Variants in NELL1 observed in about 807,000 individuals in gnomAD.
The protein encoded by NELL1 is protein kinase C-binding protein NELL1.
Under a neutral mutation model 107.4 loss-of-function variants are expected in NELL1, and 76 were observed. The observed-to-expected ratio is 0.71, with a 90% CI of 0.59 to 0.86. The LOEUF (loss-of-function observed/expected upper bound fraction) is 0.86. Among genes scored for constraint, NELL1 ranks in the 40% least tolerant of loss-of-function variants. NELL1 has a pLI of 0.00. For synonymous variants in NELL1, 353 were observed against 341.2 expected (o/e 1.03, Z -0.38); for missense variants, 1,024 against 1,005.5 (o/e 1.02, Z -0.25).
At chr11:21,466,988 T>C (rs1300047407) in intron 15 of NELL1, among the ~76,000 whole-genome samples, 2 of 152,110 alleles carry the variant, frequency 1.3e-5, no homozygotes, top group Non-Finnish European at 2.9e-5. Context: ...CTATTTTATA[T>C]GTGACATGGA....
chr11:20,777,971 A>G (rs1395464492), intron 2 of NELL1, among the ~76,000 whole-genome samples: 3 of 152,172 alleles, frequency 2.0e-5, no homozygotes, highest in Non-Finnish European at 2.9e-5. Flanking sequence ...ATTTGCTCCA[A>G]TATTAGGTTA....
chr11:21,431,070 T>A (rs1159713951), intron 15 of NELL1, among the ~76,000 whole-genome samples: 1 of 152,138 alleles, frequency 6.6e-6, no homozygotes, highest in East Asian at 1.9e-4. Flanking sequence ...ATTATGGAGC[T>A]AATCATATCA....
At chr11:21,324,587 T>C (rs1342883481) in intron 14 of NELL1, among the ~76,000 whole-genome samples, 2 of 152,090 alleles carry the variant, frequency 1.3e-5, no homozygotes, top group Non-Finnish European at 2.9e-5. Flanking sequence ...ATTGATGTTT[T>C]GTAAGTGCCT....
chr11:21,554,799 G>T (rs1343558310), intron 16 of NELL1, among the ~76,000 whole-genome samples: 1 of 151,810 alleles, frequency 6.6e-6, no homozygotes, highest in East Asian at 2.0e-4. Context: ...CTAATAAATT[G>T]CAGGGATGGA....
chr11:20,949,223 A>G (rs1851025867), intron 11 of NELL1, among the ~76,000 whole-genome samples: 1 of 152,140 alleles, frequency 6.6e-6, no homozygotes, highest in Admixed American at 6.5e-5. Context: ...TCACCATTGC[A>G]TGTTTTCAGC....
chr11:20,995,154 A>G (rs1852061658), intron 12 of NELL1, among the ~76,000 whole-genome samples: 1 of 152,058 alleles, frequency 6.6e-6, no homozygotes, highest in South Asian at 2.1e-4. Context: ...ATTGCTGCAG[A>G]GAAAATTGAT....
chr11:20,944,916 G>T (rs1590447154), intron 10 of NELL1, among the ~76,000 whole-genome samples: 1 of 152,110 alleles, frequency 6.6e-6, no homozygotes, highest in Non-Finnish European at 1.5e-5. Context: ...ATTTGTGAAT[G>T]ATTATTTTTA....
chr11:21,569,122 T>C (rs565246474), intron 17 of NELL1, among the ~76,000 whole-genome samples: 1 of 151,736 alleles, frequency 6.6e-6, no homozygotes, highest in Non-Finnish European at 1.5e-5. Context: ...GTGACAGGAA[T>C]TTTTCAGCTT....
At chr11:20,719,299 T>C (rs1316367189) in intron 2 of NELL1, among the ~76,000 whole-genome samples, 1 of 152,204 alleles carries the variant, frequency 6.6e-6, no homozygotes, top group Non-Finnish European at 1.5e-5. Context: ...TGTCTTTCTC[T>C]AGGTATTTAT....
At chr11:21,193,925 C>T (rs1857098026) in intron 13 of NELL1, among the ~76,000 whole-genome samples, 1 of 151,772 alleles carries the variant, frequency 6.6e-6, no homozygotes, top group Admixed American at 6.6e-5. Context: ...GGATTCGATG[C>T]TAGTTGCAAT....
At chr11:21,516,768 C>T (rs2133950644) in intron 15 of NELL1, among the ~76,000 whole-genome samples, 1 of 152,042 alleles carries the variant, frequency 6.6e-6, no homozygotes, top group South Asian at 2.1e-4. Flanking sequence ...CACAGACACA[C>T]ACACTCTTCT....
At chr11:20,804,990 A>G (rs564938471) in intron 3 of NELL1, among the ~76,000 whole-genome samples, 2 of 152,198 alleles carry the variant, frequency 1.3e-5, no homozygotes, top group African/African-American at 4.8e-5. Context: ...TACAATTGTT[A>G]TATTCTCTTG....
chr11:21,149,699 G>A (rs181594326), intron 13 of NELL1, among the ~76,000 whole-genome samples: 279 of 152,234 alleles, frequency 1.8e-3, no homozygotes, highest in Non-Finnish European at 2.9e-3. Context: ...TACTGAATAC[G>A]TGCTGTATAC....
intron 5 of NELL1, among the ~76,000 whole-genome samples, chr11:20,889,009 C>G (rs754308366): frequency 6.6e-6 from 1 of 152,030 alleles, no homozygotes; most frequent in Admixed American, 6.6e-5. Flanking sequence ...TTTTATTGCC[C>G]AAAGCAAGTC....
intron 4 of NELL1, among the ~76,000 whole-genome samples, chr11:20,861,000 T>G (rs1172988824): frequency 6.6e-6 from 1 of 152,192 alleles, no homozygotes; most frequent in Non-Finnish European, 1.5e-5. Flanking sequence ...AAGCTCACAG[T>G]AAGGGCCTCA....
chr11:20,818,173 A>G (rs1386707060), intron 3 of NELL1, among the ~76,000 whole-genome samples: 5 of 152,166 alleles, frequency 3.3e-5, no homozygotes, highest in Non-Finnish European at 5.9e-5. Flanking sequence ...ATCTAATACT[A>G]TCAGTGGAGT....
intron 17 of NELL1, among the ~76,000 whole-genome samples, chr11:21,563,477 G>A (rs1435726491): frequency 6.6e-6 from 1 of 152,016 alleles, no homozygotes; most frequent in Admixed American, 6.6e-5. Context: ...CTCTGTATTT[G>A]TTGGTTCCAC....
chr11:21,464,283 A>G (rs1293170378), intron 15 of NELL1, among the ~76,000 whole-genome samples: 1 of 151,990 alleles, frequency 6.6e-6, no homozygotes, highest in Non-Finnish European at 1.5e-5. Flanking sequence ...TTACTAACAC[A>G]TTTCACAAAG....
At chr11:20,791,313 C>A (rs1423441926) in intron 3 of NELL1, among the ~76,000 whole-genome samples, 1 of 151,676 alleles carries the variant, frequency 6.6e-6, no homozygotes, top group African/African-American at 2.4e-5. Flanking sequence ...TAATTTATTC[C>A]TAGGTGTATT....
Sources: allele counts gnomAD v4.1 joint callset (sites outside exome capture counted in the v4.1 genomes callset), GRCh38; gene constraint gnomAD v4.1.1; transcripts MANE v1.5; gene names NCBI Gene and HGNC (gene_info 2026-07-23, HGNC 2026-07-21).